RASA3: variants seen among roughly 807,000 people sequenced by gnomAD.
The protein encoded by RASA3 is ras GTPase-activating protein 3.
In RASA3, 73 loss-of-function variants were observed where a neutral mutation model predicts 110.0. That is an observed-to-expected ratio of 0.66 (90% CI 0.55 to 0.81). The LOEUF (loss-of-function observed/expected upper bound fraction) is 0.81. Among genes scored for constraint, RASA3 ranks in the 30% least tolerant of loss-of-function variants. The pLI, the probability that RASA3 is intolerant of heterozygous loss-of-function variation, is 0.00. For synonymous variants in RASA3, 500 were observed against 451.4 expected, an observed-to-expected ratio of 1.11 and a Z score of -1.37; for missense variants, 976 against 1,113.2, an observed-to-expected ratio of 0.88 and a Z score of 1.75.
chr13:114,122,931 G>A (rs1027394358), intron 1 of RASA3, among the ~76,000 whole-genome samples: 11 of 152,316 alleles, frequency 7.2e-5, no homozygotes, highest in South Asian at 2.1e-4. Flanking sequence ...GGAAAAGGCC[G>A]CGGCAGCACC....
intron 18 of RASA3, among the ~76,000 whole-genome samples, chr13:114,003,379 C>A (rs184305749): frequency 6.6e-6 from 1 of 152,140 alleles, no homozygotes; most frequent in Non-Finnish European, 1.5e-5. Context: ...AGCAGCTTCT[C>A]GGCGTCAGAC....
intron 1 of RASA3, among the ~76,000 whole-genome samples, chr13:114,076,873 CT>C (rs1268707591): frequency 6.6e-6 from 1 of 152,224 alleles, no homozygotes; most frequent in Non-Finnish European, 1.5e-5. Context: ...ACTTTGCTGA[CT>C]TTCCTTCTGA....
intron 23 of RASA3, among the ~76,000 whole-genome samples, chr13:113,980,048 G>GTGCA (rs2052877883): frequency 1.3e-5 from 1 of 74,294 alleles, no homozygotes; most frequent in Non-Finnish European, 3.2e-5. Flanking sequence ...ACCTCTGTGT[G>GTGCA]CCTCCTGTGT....
intron 1 of RASA3, among the ~76,000 whole-genome samples, chr13:114,118,017 A>G (rs2080318962): frequency 6.6e-6 from 1 of 152,046 alleles, no homozygotes. Context: ...GTGCACACCA[A>G]GTGTCCGTGA....
At chr13:113,989,601 T>C (rs2053059916) in intron 22 of RASA3, among the ~76,000 whole-genome samples, 1 of 141,422 alleles carries the variant, frequency 7.1e-6, no homozygotes, top group Non-Finnish European at 1.5e-5. Flanking sequence ...CCCCAGTCCA[T>C]CCTCTCATCA....
intron 1 of RASA3, among the ~76,000 whole-genome samples, chr13:114,128,055 G>A (rs1236880416): frequency 6.6e-6 from 1 of 152,216 alleles, no homozygotes; most frequent in Non-Finnish European, 1.5e-5. Flanking sequence ...GGTGCAGCCA[G>A]GCCCTGCACC....
chr13:114,032,103 C>T (rs975653586), intron 4 of RASA3, among the ~76,000 whole-genome samples: 2 of 152,170 alleles, frequency 1.3e-5, no homozygotes. Flanking sequence ...ATTCCCTATA[C>T]AAGTTAAAAA....
intron 1 of RASA3, among the ~76,000 whole-genome samples, chr13:114,106,944 A>C (rs2080141957): frequency 1.3e-5 from 2 of 152,286 alleles, no homozygotes; most frequent in Non-Finnish European, 2.9e-5. Flanking sequence ...CATTCTAGCC[A>C]GTTAAGTCTC....
intron 23 of RASA3, among the ~76,000 whole-genome samples, chr13:113,981,109 T>C (rs2052923257): frequency 1.3e-5 from 2 of 152,170 alleles, no homozygotes; most frequent in Admixed American, 6.5e-5. Flanking sequence ...CTTTACATAG[T>C]TTAAGTCAAT....
intron 1 of RASA3, among the ~76,000 whole-genome samples, chr13:114,093,718 T>G (rs965729538): frequency 3.3e-5 from 5 of 152,112 alleles, no homozygotes; most frequent in Admixed American, 2.6e-4. Context: ...GTCCCATAGA[T>G]CTTGTAAGCT....
At chr13:114,039,313 C>T (rs7983712) in intron 4 of RASA3, among the ~76,000 whole-genome samples, 53,321 of 145,720 alleles carry the variant, frequency 0.37, 9,447 homozygotes, top group Middle Eastern at 0.49. Context: ...CCCAGGAAGC[C>T]CTCCTGTGTC....
intron 1 of RASA3, among the ~76,000 whole-genome samples, chr13:114,124,173 G>A (rs1326552628): frequency 1.3e-5 from 2 of 152,170 alleles, no homozygotes; most frequent in African/African-American, 4.8e-5. Flanking sequence ...TCCCCAGAAG[G>A]AACAAAACTG....
chr13:114,020,552 G>A, intron 9 of RASA3, among the ~76,000 whole-genome samples: 1 of 152,216 alleles, frequency 6.6e-6, no homozygotes, highest in East Asian at 1.9e-4. Context: ...TGGGGTGCGA[G>A]GCCCCGGCAC....
intron 5 of RASA3, 76 bp from the exon 6 acceptor site, chr13:114,028,003 G>A: frequency 5.4e-6 from 7 of 1,285,304 alleles, no homozygotes; most frequent in Non-Finnish European, 7.7e-6. Flanking sequence ...TCTGGGTCAG[G>A]CAGGAGGCCT....
At chr13:114,126,659 CT>C (rs2080454594) in intron 1 of RASA3, among the ~76,000 whole-genome samples, 1 of 152,204 alleles carries the variant, frequency 6.6e-6, no homozygotes, top group Non-Finnish European at 1.5e-5. Context: ...TATATATTTG[CT>C]TACATAGAAG....
At chr13:114,105,226 G>A (rs915641680) in intron 1 of RASA3, among the ~76,000 whole-genome samples, 33 of 152,120 alleles carry the variant, frequency 2.2e-4, no homozygotes, top group East Asian at 1.9e-4. Flanking sequence ...CGACCCCCAC[G>A]CAAGCCCCCA....
At chr13:114,117,872 A>AGCACGTGTGTGAGGGGT in intron 1 of RASA3, among the ~76,000 whole-genome samples, 2 of 117,512 alleles carry the variant, frequency 1.7e-5, no homozygotes, top group Non-Finnish European at 3.5e-5. Flanking sequence ...TCTGTGGGTG[A>AGCACGTGTGTGAGGGGT]GCACGTGTGT....
chr13:114,128,376 G>A (rs556752876), intron 1 of RASA3, among the ~76,000 whole-genome samples: 53 of 152,306 alleles, frequency 3.5e-4, no homozygotes, highest in Non-Finnish European at 6.3e-4. Context: ...TGTGACCAGC[G>A]GCCTCCACCT....
intron 10 of RASA3, 123 bp from the exon 11 acceptor site, chr13:114,018,375 C>A (rs2053841315): frequency 7.9e-7 from 1 of 1,267,342 alleles, no homozygotes; most frequent in Non-Finnish European, 1.1e-6. Flanking sequence ...GAGACAGAAA[C>A]ACACACATTC....
Sources: allele counts gnomAD v4.1 joint callset (sites outside exome capture counted in the v4.1 genomes callset), GRCh38; gene constraint gnomAD v4.1.1; transcripts MANE v1.5; gene names NCBI Gene and HGNC (gene_info 2026-07-23, HGNC 2026-07-21).